SHISA6: variants seen among roughly 807,000 people sequenced by gnomAD.
SHISA6 encodes the protein shisa family member 6.
In SHISA6, 22 loss-of-function variants were observed where a neutral mutation model predicts 47.9. The observed-to-expected ratio is 0.46, with a 90% CI of 0.33 to 0.66. The LOEUF is 0.66. Among genes scored for constraint, SHISA6 ranks in the 30% least tolerant of loss-of-function variants. SHISA6 has a pLI of 0.02. For missense variants in SHISA6, 680 were observed against 764.6 expected (o/e 0.89, Z 1.30); for synonymous variants, 388 against 337.8 (o/e 1.15, Z -1.63).
chr17:11,241,498 G>A lies in SHISA6; in HGVS notation c.76G>A (p.Ala26Thr). 1 of 1,160,010 alleles carries A rather than the reference G, an allele frequency of 8.6e-7. No individual in the cohort carries two copies. Among genetic ancestry groups the A allele is most frequent in the Non-Finnish European group, 1.1e-6 (1 of 933,674 alleles). The allele number at this position is 1,160,010 out of a possible 1,614,324, so 71.9% of individuals were successfully genotyped here. The change falls in exon 1 of 6, where the codon GCC becomes ACC. Residue 26 changes from alanine (A) to threonine (T), a missense_variant. Transcript: ENST00000441885. The surrounding 1 kb of genome is among the most constrained non-coding windows in gnomAD (Gnocchi z 5.5). ...SLDLLPSVHG[A>T]RGRAANRTLS... ...GGACCTGCTGCCCAGCGTCCACGGA[G>A]CCCGCGGCCGCGCCGCCAACCGGAC...
intron 2 of SHISA6, among the ~76,000 whole-genome samples, chr17:11,341,782 T>C (rs16944600): frequency 0.085 from 12,914 of 152,194 alleles, 849 homozygotes; most frequent in East Asian, 0.23. Context: ...CTCATTTTTC[T>C]CCTTGATGTT....
chr17:11,520,787 G>A (rs763156098), intron 3 of SHISA6, among the ~76,000 whole-genome samples: 1 of 151,980 alleles, frequency 6.6e-6, no homozygotes, highest in Non-Finnish European at 1.5e-5. Flanking sequence ...AAACTACCTC[G>A]ATCACCCTAA....
At chr17:11,292,283 C>T (rs1909580331) in intron 2 of SHISA6, among the ~76,000 whole-genome samples, 1 of 151,976 alleles carries the variant, frequency 6.6e-6, no homozygotes, top group African/African-American at 2.4e-5. Flanking sequence ...CCCTCCCTCC[C>T]CTTTCCCCCT....
At chr17:11,311,294 A>C (rs1483596097) in intron 2 of SHISA6, among the ~76,000 whole-genome samples, 2 of 144,552 alleles carry the variant, frequency 1.4e-5, no homozygotes, top group Non-Finnish European at 3.0e-5. Flanking sequence ...AAAAAAAAAA[A>C]AAAAAACCGA....
At chr17:11,355,771 A>G (rs1379810298) in intron 2 of SHISA6, among the ~76,000 whole-genome samples, 1 of 152,240 alleles carries the variant, frequency 6.6e-6, no homozygotes, top group Non-Finnish European at 1.5e-5. Context: ...CATCTGGGAT[A>G]GAAAGGCAGA....
rs546023746 is a variant in SHISA6, at chr17:11,430,672, C to A, written c.895+51163C>A. Among the ~76,000 whole-genome samples the A allele has an allele frequency of 7.9e-5, 12 of 152,218 alleles. No homozygotes were observed. In the South Asian group the frequency reaches 2.5e-3, roughly 32 times the overall value. ...AGGGCTCACCTTTACCTTGGCTGAC[C>A]TGGGCTCCATGGTGTCTGCCTACCA... On this transcript the variant is annotated intron_variant, in intron 3 of 5. Coordinates refer to ENST00000441885, the MANE Select transcript of SHISA6 (RefSeq NM_207386.4).
intron 2 of SHISA6, among the ~76,000 whole-genome samples, chr17:11,357,150 T>A (rs1597473902): frequency 7.8e-6 from 1 of 128,774 alleles, no homozygotes; most frequent in African/African-American, 3.1e-5. Flanking sequence ...ATCCCGCCAC[T>A]GCACTCCAGC....
intron 2 of SHISA6, among the ~76,000 whole-genome samples, chr17:11,320,830 A>G (rs1392496833): frequency 2.0e-5 from 3 of 152,180 alleles, no homozygotes; most frequent in African/African-American, 7.2e-5. Flanking sequence ...GAGGCAGAGA[A>G]CTCATGTATG....
chr17:11,539,393 C>T (rs368853118), intron 3 of SHISA6, among the ~76,000 whole-genome samples: 1 of 152,372 alleles, frequency 6.6e-6, no homozygotes, highest in Admixed American at 6.5e-5. Context: ...GAATGGCAGA[C>T]ACCAAATCAC....
rs568184707 is a variant in SHISA6, at chr17:11,561,575, C to G, written c.*3271C>G. The G allele has an allele frequency of 1.3e-5, 2 of 152,254 alleles. No individual in the cohort carries two copies. The highest frequency in any genetic ancestry group is 2.4e-5 in the African/African-American group (1 of 41,442). 9.4% of individuals were successfully genotyped at this position (152,254 alleles called of 1,614,324 possible). On this transcript the variant is annotated 3_prime_UTR_variant, in exon 6 of 6. Coordinates refer to ENST00000441885, the MANE Select transcript of SHISA6 (RefSeq NM_207386.4). Reference sequence around the variant, plus strand: ...CCACACGACTGCCTCTTAGAAAGTTCCAACCTTGCCCCCAATTCAAATTTC... The same window carrying G: ...CCACACGACTGCCTCTTAGAAAGTTGCAACCTTGCCCCCAATTCAAATTTC...
chr17:11,334,287 A>G (rs1911238341), intron 2 of SHISA6, among the ~76,000 whole-genome samples: 1 of 152,174 alleles, frequency 6.6e-6, no homozygotes, highest in East Asian at 1.9e-4. Context: ...TTGAACACCC[A>G]GCTGGTGTTT....
chr17:11,542,155 C>G (rs2908962), intron 3 of SHISA6, among the ~76,000 whole-genome samples: 73,910 of 151,914 alleles, frequency 0.49, 18,240 homozygotes, highest in East Asian at 0.61. Flanking sequence ...GGTGGGACAG[C>G]CTGTGAGTAC....
chr17:11,485,641 C>A (rs1054139463), intron 3 of SHISA6, among the ~76,000 whole-genome samples: 1 of 151,588 alleles, frequency 6.6e-6, no homozygotes, highest in Non-Finnish European at 1.5e-5. Flanking sequence ...ACAATTGTTA[C>A]AATCACGACC....
chr17:11,545,748 G>A (rs2071877791), intron 3 of SHISA6, among the ~76,000 whole-genome samples: 1 of 152,186 alleles, frequency 6.6e-6, no homozygotes, highest in South Asian at 2.1e-4. Flanking sequence ...CTGAAGTCTT[G>A]TCCCCTCACA....
Position 11,362,878 on chromosome 17 carries a change from G to C in SHISA6, c.800-16536G>C, listed in dbSNP as rs191833028. Among the ~76,000 whole-genome samples the C allele has an allele frequency of 2.9e-4, 44 of 152,196 alleles. 1 individual carries two copies. The highest frequency in any genetic ancestry group is 8.5e-4 in the Admixed American group (13 of 15,272). ...TTAGCCTGACTTTCTTTACCTTTCCGTGAAACAAATTCTTTTTACTTAAAT... is the reference window on the plus strand; with the variant it reads ...TTAGCCTGACTTTCTTTACCTTTCCCTGAAACAAATTCTTTTTACTTAAAT... On this transcript the variant is annotated intron_variant, in intron 2 of 5. Coordinates refer to ENST00000441885, the MANE Select transcript of SHISA6 (RefSeq NM_207386.4).
intron 3 of SHISA6, among the ~76,000 whole-genome samples, chr17:11,413,543 C>A (rs182897297): frequency 4.3e-4 from 66 of 152,268 alleles, no homozygotes; most frequent in African/African-American, 1.3e-3. Flanking sequence ...CACCATCTAC[C>A]TGAGGAGGCA....
intron 2 of SHISA6, among the ~76,000 whole-genome samples, chr17:11,290,980 T>G (rs900253531): frequency 7.3e-5 from 11 of 151,244 alleles, no homozygotes. Flanking sequence ...TATTATTAAT[T>G]TAATAATAAA....
At position 11,557,841 on chromosome 17, in the gene SHISA6, A is replaced by G. The variant is rs1479160996; in HGVS notation, c.1193A>G (p.Gln398Arg). 2 of 1,551,400 alleles carry G rather than the reference A, an allele frequency of 1.3e-6. No individual in the cohort carries two copies. Among genetic ancestry groups the G allele is most frequent in the East Asian group, 2.4e-5 (1 of 40,908 alleles). The change falls in exon 6 of 6, where the codon CAG becomes CGG. Residue 398 changes from glutamine (Q) to arginine (R), a missense_variant. Coordinates refer to ENST00000441885, the MANE Select transcript of SHISA6 (RefSeq NM_207386.4). ...ARGTLPLNVI[Q>R]MSQQKPLPRE... ...GGCACCCTCCCCCTCAATGTCATCC[A>G]GATGTCCCAACAGAAGCCGTTGCCA...
rs954100082 is a variant in SHISA6, at chr17:11,391,324, G to A, written c.895+11815G>A. 1.1e-4 allele frequency among the ~76,000 whole-genome samples: 16 copies of A among 152,236 alleles called. No individual in the cohort carries two copies. In the East Asian group the frequency reaches 1.5e-3, roughly 15 times the overall value. On this transcript the variant is annotated intron_variant, in intron 3 of 5. Transcript: ENST00000441885. The stretch of plus-strand genomic sequence containing the variant: ...GAGGTAGTGGAAAAGTGAAGGCACC[G>A]TAGGACACCTGTAGGGGGCAGTAGG...
Sources: allele counts gnomAD v4.1 joint callset (sites outside exome capture counted in the v4.1 genomes callset), GRCh38; gene constraint gnomAD v4.1.1; non-coding constraint Gnocchi (gnomAD v3.1); transcripts MANE v1.5; gene names NCBI Gene and HGNC (gene_info 2026-07-23, HGNC 2026-07-21).